The following WDR17 variants were observed in gnomAD, a reference collection of about 807,000 sequenced individuals.
WDR17 encodes the protein WD repeat-containing protein 17.
In WDR17, 143 loss-of-function variants were observed where a neutral mutation model predicts 161.7. That is an observed-to-expected ratio of 0.88 (90% CI 0.77 to 1.02). The LOEUF is 1.02. WDR17 is among the 50% of genes least tolerant of loss of function. WDR17 has a pLI of 0.00. For missense variants in WDR17, 1,469 were observed against 1,520.9 expected (o/e 0.97, Z 0.57); for synonymous variants, 517 against 515.6 (o/e 1.00, Z -0.04).
intron 2 of WDR17, among the ~76,000 whole-genome samples, chr4:176,114,606 T>C (rs1274993231): frequency 2.0e-5 from 3 of 152,038 alleles, no homozygotes; most frequent in Non-Finnish European, 2.9e-5. Context: ...CAGAGTCTTC[T>C]TGTGGAACTT....
Position 176,146,729 on chromosome 4 carries a change from G to T in WDR17, c.1694+570G>T, listed in dbSNP as rs372731848. ...TTATTTTGATACAAATCCCTTTAATGTATTCTTATTTATGAAAGTATATCA... is the reference window on the plus strand; with the variant it reads ...TTATTTTGATACAAATCCCTTTAATTTATTCTTATTTATGAAAGTATATCA... On this transcript the variant is annotated intron_variant, in intron 12 of 28. Coordinates refer to ENST00000508596, the MANE Select transcript of WDR17 (RefSeq NM_181265.4). Among the ~76,000 whole-genome samples, 10 of 152,080 alleles carry T rather than the reference G, an allele frequency of 6.6e-5. 1 individual carries two copies. The East Asian group carries it at 1.9e-3, about 29-fold the overall frequency.
chr4:176,132,983 T>C (rs901318952), intron 7 of WDR17, among the ~76,000 whole-genome samples: 27 of 151,730 alleles, frequency 1.8e-4, no homozygotes, highest in Admixed American at 1.4e-3. Flanking sequence ...AGTCACTAAA[T>C]CTGGCAGTGG....
At chr4:176,157,818 G>A (rs1748396624) in intron 18 of WDR17, among the ~76,000 whole-genome samples, 2 of 152,152 alleles carry the variant, frequency 1.3e-5, no homozygotes, top group Non-Finnish European at 2.9e-5. Flanking sequence ...AAAATGTGGT[G>A]TATCCTCAGA....
At chr4:176,148,417 T>G in intron 13 of WDR17, 82 bp downstream of exon 13, 1 of 1,246,810 alleles carries the variant, frequency 8.0e-7, no homozygotes. Context: ...TACAGTATTT[T>G]TGAAGAAGTT....
intron 17 of WDR17, among the ~76,000 whole-genome samples, chr4:176,154,238 T>C (rs1747699744): frequency 6.6e-6 from 1 of 152,078 alleles, no homozygotes; most frequent in Non-Finnish European, 1.5e-5. Flanking sequence ...CCCAGCACTT[T>C]GGGAGGCTGA....
intron 28 of WDR17, among the ~76,000 whole-genome samples, chr4:176,178,249 A>G (rs1751755259): frequency 6.6e-6 from 1 of 152,108 alleles, no homozygotes; most frequent in Non-Finnish European, 1.5e-5. Context: ...TCAAAACATA[A>G]CCAGTATCTT....
intron 1 of WDR17, among the ~76,000 whole-genome samples, chr4:176,110,737 A>T (rs1039375232): frequency 2.6e-5 from 4 of 152,200 alleles, no homozygotes. Flanking sequence ...TAGAAAATAT[A>T]GTTCAGAAGC....
chr4:176,172,806 A>G (rs558773690), intron 24 of WDR17, among the ~76,000 whole-genome samples: 5 of 152,062 alleles, frequency 3.3e-5, no homozygotes, highest in Non-Finnish European at 7.4e-5. Flanking sequence ...GAGAGAAGGG[A>G]TGAAGAGAGA....
intron 27 of WDR17, 81 bp downstream of exon 27, chr4:176,177,237 CATTA>C (rs1751578754): frequency 7.9e-7 from 1 of 1,264,824 alleles, no homozygotes; most frequent in Non-Finnish European, 1.1e-6. Flanking sequence ...TGTGTGGTCT[CATTA>C]ATTTTAGCAG....
Position 176,139,975 on chromosome 4 carries a change from G to A in WDR17, c.1442+1G>A, listed in dbSNP as rs1016115879. On this transcript the variant is annotated splice_donor_variant, in intron 10 of 28. Transcript: ENST00000508596. LOFTEE classifies it high-confidence loss of function. ...CAACCTGCAGCAGTGATGGTTTCTG[G>A]TAAGTACTATGTATGATACATGATA... 1.4e-5 allele frequency: 22 copies of A among 1,607,280 alleles called. No homozygotes were observed. The highest frequency in any genetic ancestry group is 1.9e-5 in the Non-Finnish European group (22 of 1,174,900).
At chr4:176,169,423 G>T (rs989212909) in intron 23 of WDR17, among the ~76,000 whole-genome samples, 1 of 152,112 alleles carries the variant, frequency 6.6e-6, no homozygotes, top group African/African-American at 2.4e-5. Flanking sequence ...TTATTGGCAT[G>T]ATACATGGCT....
intron 21 of WDR17, among the ~76,000 whole-genome samples, chr4:176,162,832 A>C (rs1449432391): frequency 6.6e-6 from 1 of 152,090 alleles, no homozygotes; most frequent in Non-Finnish European, 1.5e-5. Context: ...AAAAATTTAC[A>C]TTTTTTTCTG....
chr4:176,137,548 T>G lies in WDR17; in HGVS notation c.1296T>G (p.Thr432=). The change falls in exon 9 of 29, where the codon ACT becomes ACG. Residue 432 remains threonine (T), a synonymous_variant. Transcript: ENST00000508596. The part of the protein sequence containing the change: ...PGGLNCIAGG[T]SRNGAFIWNV... ...GTTTAAATTGTATTGCTGGGGGAAC[T>G]TCCCGAAATGGTGCTTTTATTTGGA... The G allele has an allele frequency of 6.2e-7, 1 of 1,602,208 alleles. No individual in the cohort carries two copies. Among genetic ancestry groups the G allele is most frequent in the Non-Finnish European group, 8.5e-7 (1 of 1,172,430 alleles).
chr4:176,131,589 T>C lies in WDR17; in HGVS notation c.949T>C (p.Ser317Pro). 1.2e-6 allele frequency: 2 copies of C among 1,611,368 alleles called. No homozygotes were observed. The highest frequency in any genetic ancestry group is 1.7e-6 in the Non-Finnish European group (2 of 1,178,628). ...ATCTCCAACCAAAAATCATTATACA[T>C]CCTCAACAAGCGAAGCAGTTCCACC... ...VQSPTKNHYTSSTSEAVPPPT... is the reference protein window; with the variant it reads ...VQSPTKNHYTPSTSEAVPPPT... The change falls in exon 7 of 29, where the codon TCC becomes CCC. Residue 317 changes from serine to proline, a missense_variant. By Grantham distance (74) the Ser-to-Pro change is moderately conservative. Transcript: ENST00000508596.
At position 176,172,429 on chromosome 4, in the gene WDR17, G is replaced by A; in HGVS notation, c.3157G>A (p.Asp1053Asn). 1.4e-5 allele frequency: 23 copies of A among 1,612,080 alleles called. No individual in the cohort carries two copies. Among genetic ancestry groups the A allele is most frequent in the Non-Finnish European group, 1.9e-5 (22 of 1,179,510 alleles). ...GCAGTTAGCTGAGACAGCCCGTGCA[G>A]ATGACAATATATTTGAAACTGTAAA... ...CMQLAETARADDNIFETVKYY... is the reference protein window; with the variant it reads ...CMQLAETARANDNIFETVKYY... Residue 1053 changes from aspartate (D) to asparagine (N), a missense_variant, in exon 24 of 29, where the codon GAT becomes AAT. Asp to Asn is a conservative substitution (Grantham distance 23). Transcript: ENST00000508596.
chr4:176,089,905 G>T (rs1448177970), intron 1 of WDR17, among the ~76,000 whole-genome samples: 1 of 151,998 alleles, frequency 6.6e-6, no homozygotes. Flanking sequence ...CTTCTCCATT[G>T]TTCCTGGAAA....
At chr4:176,096,361 G>T in intron 1 of WDR17, 3 of 435,400 alleles carry the variant, frequency 6.9e-6, no homozygotes, top group Non-Finnish European at 4.1e-6. Flanking sequence ...AATTGTTTCA[G>T]CTGAAATATT....
At chr4:176,153,213 A>G (rs1747516253) in intron 17 of WDR17, among the ~76,000 whole-genome samples, 1 of 152,170 alleles carries the variant, frequency 6.6e-6, no homozygotes, top group South Asian at 2.1e-4. Context: ...ACTTCTTACA[A>G]ACAAACAAAA....
At chr4:176,068,139 G>GTA (rs1408103838) in intron 1 of WDR17, 1 of 152,136 alleles carries the variant, frequency 6.6e-6, no homozygotes, top group Non-Finnish European at 1.5e-5. Flanking sequence ...TGATAATTAT[G>GTA]TATATGGAAG....
Sources: allele counts gnomAD v4.1 joint callset (sites outside exome capture counted in the v4.1 genomes callset), GRCh38; gene constraint gnomAD v4.1.1; transcripts MANE v1.5; gene names NCBI Gene and HGNC (gene_info 2026-07-23, HGNC 2026-07-21).